Variants in GAB2 observed in about 807,000 individuals in gnomAD.
The protein encoded by GAB2 is GRB2-associated-binding protein 2.
Under a neutral mutation model 65.5 loss-of-function variants are expected in GAB2, and 26 were observed. The observed-to-expected ratio is 0.40, with a 90% confidence interval of 0.29 to 0.55. The LOEUF (loss-of-function observed/expected upper bound fraction) is 0.55. GAB2 is among the 20% of genes least tolerant of loss of function. The pLI is 0.53. For synonymous variants in GAB2, 321 were observed against 329.6 expected (o/e 0.97, Z 0.28); for missense variants, 884 against 875.8 (o/e 1.01, Z -0.12).
At chr11:78,409,696 C>T (rs1365210871) in intron 1 of GAB2, among the ~76,000 whole-genome samples, 1 of 152,098 alleles carries the variant, frequency 6.6e-6, no homozygotes, top group African/African-American at 2.4e-5. Flanking sequence ...TGTCTCTCAA[C>T]AATCGACAGA....
intron 1 of GAB2, among the ~76,000 whole-genome samples, chr11:78,374,448 C>T (rs1565177174): frequency 2.0e-5 from 3 of 152,130 alleles, no homozygotes; most frequent in South Asian, 2.1e-4. Flanking sequence ...GGGGGTTACC[C>T]GGGGGGGAAC....
At chr11:78,288,902 G>A (rs748858007) in intron 1 of GAB2, among the ~76,000 whole-genome samples, 1 of 152,214 alleles carries the variant, frequency 6.6e-6, no homozygotes, top group Non-Finnish European at 1.5e-5. Context: ...GAATCAGTCT[G>A]CCAGATTTTA....
intron 3 of GAB2, among the ~76,000 whole-genome samples, chr11:78,235,650 A>G (rs1864960583): frequency 6.6e-6 from 1 of 152,206 alleles, no homozygotes; most frequent in African/African-American, 2.4e-5. Context: ...GGCAGGGGCA[A>G]AATGCCACCA....
chr11:78,393,600 A>G (rs1306491500), intron 1 of GAB2, among the ~76,000 whole-genome samples: 1 of 152,206 alleles, frequency 6.6e-6, no homozygotes, highest in African/African-American at 2.4e-5. Context: ...AAATAATTAT[A>G]CCCTTTGAAT....
chr11:78,295,271 C>T (rs140138493), intron 1 of GAB2, among the ~76,000 whole-genome samples: 13 of 152,226 alleles, frequency 8.5e-5, no homozygotes, highest in East Asian at 3.9e-4. Flanking sequence ...TTAGACTTTC[C>T]GGGTCAATAA....
chr11:78,351,352 G>A (rs1473947603), intron 1 of GAB2, among the ~76,000 whole-genome samples: 1 of 152,136 alleles, frequency 6.6e-6, no homozygotes, highest in African/African-American at 2.4e-5. Flanking sequence ...CTAGGGGGCA[G>A]GGGATGCAGG....
At chr11:78,222,288 G>T in intron 6 of GAB2, 93 bp from the exon 7 acceptor site, 1 of 808,906 alleles carries the variant, frequency 1.2e-6, no homozygotes, top group Non-Finnish European at 2.1e-6. Context: ...GTTTATAAAG[G>T]CCTGCAAAGT....
chr11:78,409,734 T>C (rs1347008627), intron 1 of GAB2, among the ~76,000 whole-genome samples: 1 of 152,186 alleles, frequency 6.6e-6, no homozygotes, highest in African/African-American at 2.4e-5. Context: ...TCAGCAAGGA[T>C]ATAAAAGAAT....
In GAB2 at chr11:78,219,137, G is replaced by T; in HGVS notation, c.*135C>A. On this transcript the variant is annotated 3_prime_UTR_variant, in exon 10 of 10. Coordinates refer to ENST00000361507, the MANE Select transcript of GAB2 (RefSeq NM_080491.3). ...AGGGGAAGGGTTCAGGGTCCCTGAT[G>T]TCAAGTGCTTTGAAGGCTGAGACTG... 1 of 821,508 alleles carries T rather than the reference G, an allele frequency of 1.2e-6. No individual in the cohort carries two copies. The highest frequency in any genetic ancestry group is 1.9e-6 in the Non-Finnish European group (1 of 522,976). 50.9% of individuals were successfully genotyped at this position (821,508 alleles called of 1,614,324 possible). A position where few individuals can be genotyped will look rare whatever the true frequency, so the allele number is the denominator to read the frequency against.
Position 78,219,402 on chromosome 11 carries a change from G to C in GAB2, c.1901C>G (p.Ser634Cys). 1.2e-6 allele frequency: 2 copies of C among 1,613,962 alleles called. No homozygotes were observed. Among genetic ancestry groups the C allele is most frequent in the South Asian group, 1.1e-5 (1 of 91,070 alleles). ...PSPHRKPSTS[S>C]VTSDEKVDYV... ...GTCCACCTTCTCATCAGAGGTGACG[G>C]ATGAAGTAGATGGCTGAGGGGACAG... The change falls in exon 10 of 10, where the codon TCC (serine) becomes TGC (cysteine). Residue 634 changes from serine (S) to cysteine (C), a missense_variant. Coordinates refer to ENST00000361507, the MANE Select transcript of GAB2 (RefSeq NM_080491.3).
chr11:78,397,531 G>C (rs150859674), intron 1 of GAB2, among the ~76,000 whole-genome samples: 2 of 152,324 alleles, frequency 1.3e-5, no homozygotes, highest in African/African-American at 4.8e-5. Context: ...ACTGCCACAA[G>C]GTGGCAAGTG....
At chr11:78,409,586 C>CA (rs1238043402) in intron 1 of GAB2, among the ~76,000 whole-genome samples, 1 of 150,654 alleles carries the variant, frequency 6.6e-6, no homozygotes, top group African/African-American at 2.4e-5. Flanking sequence ...ACTCCATCTC[C>CA]AAAAAAATAA....
chr11:78,401,589 C>T (rs140115721), intron 1 of GAB2, among the ~76,000 whole-genome samples: 134 of 147,040 alleles, frequency 9.1e-4, no homozygotes, highest in African/African-American at 3.1e-3. Context: ...AGGTTCATCT[C>T]TGTTGTAGCA....
intron 3 of GAB2, among the ~76,000 whole-genome samples, chr11:78,240,316 C>A (rs947106067): frequency 5.9e-5 from 9 of 152,090 alleles, no homozygotes; most frequent in African/African-American, 2.2e-4. Context: ...AGCACACTGT[C>A]CCCTGGGGAA....
intron 2 of GAB2, among the ~76,000 whole-genome samples, chr11:78,275,756 G>C (rs959583530): frequency 1.3e-5 from 2 of 152,066 alleles, no homozygotes; most frequent in Non-Finnish European, 2.9e-5. Context: ...ATTTCTGTGT[G>C]TGTATATATA....
rs773684611 is a variant in GAB2 at position 78,226,448 on chromosome 11, C to A, written c.1207+17G>T. The A allele has an allele frequency of 1.9e-6, 3 of 1,590,752 alleles. No homozygotes were observed. The Admixed American group carries it at 5.0e-5, about 27-fold the overall frequency. ...ACCTCCTCCTCCCTCTGAGTCTCAG[C>A]TAGGACTTATACTGACCTCGGTGAA... is the stretch of plus-strand genomic sequence containing the variant. On this transcript the variant is annotated intron_variant, in intron 4 of 9. Transcript: ENST00000361507.
intron 2 of GAB2, among the ~76,000 whole-genome samples, chr11:78,267,380 T>C (rs1194615362): frequency 6.6e-6 from 1 of 152,206 alleles, no homozygotes; most frequent in East Asian, 1.9e-4. Context: ...TCTAGATCAC[T>C]ATTTCCCAGA....
At chr11:78,234,726 T>A (rs1864939287) in intron 3 of GAB2, among the ~76,000 whole-genome samples, 1 of 151,932 alleles carries the variant, frequency 6.6e-6, no homozygotes, top group Non-Finnish European at 1.5e-5. Context: ...TACAACATTA[T>A]CTTGATTACC....
chr11:78,370,256 C>CAA (rs35777026), intron 1 of GAB2, among the ~76,000 whole-genome samples: 1 of 99,212 alleles, frequency 1.0e-5, no homozygotes, highest in Non-Finnish European at 2.1e-5. Context: ...GACTCCGTCT[C>CAA]AAAAAAAAAA....
Sources: allele counts gnomAD v4.1 joint callset (sites outside exome capture counted in the v4.1 genomes callset), GRCh38; gene constraint gnomAD v4.1.1; transcripts MANE v1.5; gene names NCBI Gene and HGNC (gene_info 2026-07-23, HGNC 2026-07-21).